Variants in GGA2 observed in about 807,000 individuals in gnomAD.
GGA2 encodes the protein ADP-ribosylation factor-binding protein GGA2.
In GGA2, 48 loss-of-function variants were observed where a neutral mutation model predicts 79.5. That is an observed-to-expected ratio of 0.60 (90% CI 0.48 to 0.77). The LOEUF is 0.77. GGA2 is among the 30% of genes least tolerant of loss of function. GGA2 has a pLI of 0.00. For missense variants in GGA2, 770 were observed against 774.0 expected (o/e 0.99, Z 0.06); for synonymous variants, 317 against 302.0 (o/e 1.05, Z -0.51).
In GGA2 at chr16:23,466,138, T is replaced by C. The variant is rs1345123773; in HGVS notation, c.*1452A>G. 3 of 152,186 alleles carry C rather than the reference T, an allele frequency of 2.0e-5. No homozygotes were observed. Among genetic ancestry groups the C allele is most frequent in the African/African-American group, 4.8e-5 (2 of 41,444 alleles). 9.4% of individuals were successfully genotyped at this position (152,186 alleles called of 1,614,324 possible). A position where few individuals can be genotyped will look rare whatever the true frequency, so the allele number is the denominator to read the frequency against. ...TTAGTATTGGCAGATTTCCACTATA[T>C]GTAGAAGTCAAAAGATCAGACTGTA... On this transcript the variant is annotated 3_prime_UTR_variant, in exon 17 of 17. Transcript: ENST00000309859.
upstream of GGA2, chr16:23,510,632 C>A (rs1354266320): frequency 2.6e-6 from 1 of 378,082 alleles, no homozygotes; most frequent in Non-Finnish European, 4.7e-6. Flanking sequence ...TAAGACCACT[C>A]ACCGTACGGT....
At chr16:23,477,770 C>T (rs966523750) in intron 13 of GGA2, among the ~76,000 whole-genome samples, 2 of 152,024 alleles carry the variant, frequency 1.3e-5, no homozygotes, top group Non-Finnish European at 2.9e-5. Context: ...CAAACAAAAA[C>T]ACATGCCTTT....
At chr16:23,517,007 G>A (rs1300852592) in intron 2 of GGA2, among the ~76,000 whole-genome samples, 1 of 152,202 alleles carries the variant, frequency 6.6e-6, no homozygotes, top group East Asian at 1.9e-4. Flanking sequence ...GTCACCACAC[G>A]TGTAATTAAC....
At chr16:23,494,563 C>T (rs996284410) in intron 2 of GGA2, among the ~76,000 whole-genome samples, 185 bp from the exon 3 acceptor site, 2 of 152,172 alleles carry the variant, frequency 1.3e-5, no homozygotes, top group Non-Finnish European at 2.9e-5. Context: ...ACCCTGGTTG[C>T]ACCTACAGCA....
intron 4 of GGA2, 149 bp from the exon 5 acceptor site, chr16:23,491,949 C>T (rs1305243944): frequency 1.6e-5 from 9 of 551,726 alleles, no homozygotes; most frequent in South Asian, 2.3e-5. Context: ...CACCATCTGG[C>T]GCCCAGCCCC....
At chr16:23,503,200 T>G (rs1053178329) in intron 1 of GGA2, among the ~76,000 whole-genome samples, 1 of 152,240 alleles carries the variant, frequency 6.6e-6, no homozygotes, top group African/African-American at 2.4e-5. Context: ...CACTGTCGAT[T>G]TGCGATTTCC....
intron 1 of GGA2, chr16:23,501,309 T>C: frequency 6.6e-6 from 3 of 456,990 alleles, no homozygotes; most frequent in Admixed American, 4.7e-5. Context: ...CTTGGAGCCA[T>C]GCTTCTTGCC....
intron 2 of GGA2, among the ~76,000 whole-genome samples, chr16:23,494,884 C>T (rs1305099498): frequency 6.6e-6 from 1 of 152,038 alleles, no homozygotes; most frequent in Non-Finnish European, 1.5e-5. Context: ...GAGTTCGAGA[C>T]CAGCCTGGCC....
rs1964453523 is a variant in GGA2, at chr16:23,467,422, A to ACACACACACACACACACACACACAC, written c.*167_*168insGTGTGTGTGTGTGTGTGTGTGTGTG. 7 of 610,754 alleles carry ACACACACACACACACACACACACAC rather than the reference A, an allele frequency of 1.1e-5. No individual in the cohort carries two copies. The highest frequency in any genetic ancestry group is 1.8e-5 in the African/African-American group (1 of 54,278). 37.8% of individuals were successfully genotyped at this position (610,754 alleles called of 1,614,324 possible). On this transcript the variant is annotated 3_prime_UTR_variant, in exon 17 of 17. Transcript: ENST00000309859. ...CACACACACACACACACACACACACACACACACACACAGAGCATCTGCAGA... is the reference window on the plus strand; with the variant it reads ...CACACACACACACACACACACACACACACACACACACACACACACACACACCACACACACACAGAGCATCTGCAGA...
At chr16:23,491,530 TAAA>T (rs34831881) in intron 5 of GGA2, 144 bp downstream of exon 5, 2,296 of 297,784 alleles carry the variant, frequency 7.7e-3, no homozygotes, top group Middle Eastern at 0.013. Flanking sequence ...ATTTATTGCG[TAAA>T]AAAAAAAAAA....
upstream of GGA2, among the ~76,000 whole-genome samples, chr16:23,514,145 G>A (rs1056341388): frequency 6.6e-6 from 1 of 151,180 alleles, no homozygotes; most frequent in African/African-American, 2.4e-5. Context: ...AAGTCCTGTC[G>A]CCCAGGCTGG....
intron 3 of GGA2, 139 bp downstream of exon 3, chr16:23,494,164 C>T: frequency 1.5e-6 from 1 of 667,628 alleles, no homozygotes; most frequent in Non-Finnish European, 2.7e-6. Flanking sequence ...GATCTCCCTC[C>T]TCCAACCTGC....
At position 23,493,420 on chromosome 16, in the gene GGA2, G is replaced by T; in HGVS notation, c.291C>A (p.Phe97Leu). 3 of 1,612,900 alleles carry T rather than the reference G, an allele frequency of 1.9e-6. No individual in the cohort carries two copies. The highest frequency in any genetic ancestry group is 2.5e-6 in the Non-Finnish European group (3 of 1,178,934). The change falls in exon 4 of 17, where the codon TTC becomes TTA. Residue 97 changes from phenylalanine (F) to leucine (L), a missense_variant. By Grantham distance (22) the Phe-to-Leu change is conservative (BLOSUM62 0). Coordinates refer to ENST00000309859, the MANE Select transcript of GGA2 (RefSeq NM_015044.4). Reference sequence around the variant, plus strand: ...AACGAAATTTGGCCACCTCGCTGTGGAACTTCTCCCCACAGTGGTTCATGC... The same window carrying T: ...AACGAAATTTGGCCACCTCGCTGTGTAACTTCTCCCCACAGTGGTTCATGC... ...EMCMNHCGEK[F>L]HSEVAKFRFL...
rs746388537 is a variant in GGA2 at position 23,478,636 on chromosome 16, G to A, written c.1159-135C>T. On this transcript the variant is annotated intron_variant, in intron 12 of 16. Transcript: ENST00000309859. ...TGGTGACATCTCTTGGGGCAAGAGG[G>A]GAAAGAAAGGGCAAGATCACATGCA... is the stretch of plus-strand genomic sequence containing the variant. The A allele has an allele frequency of 8.1e-6, 7 of 868,040 alleles. No homozygotes were observed. The Admixed American group carries it at 1.1e-4, about 14-fold the overall frequency. The allele number at this position is 868,040 out of a possible 1,614,324, so 53.8% of individuals were successfully genotyped here.
intron 16 of GGA2, 85 bp downstream of exon 16, chr16:23,468,801 A>ATG (rs1209310715): frequency 2.6e-6 from 2 of 765,992 alleles, no homozygotes; most frequent in Non-Finnish European, 4.7e-6. Context: ...CAAGGCCTCA[A>ATG]TGTGCCTCTC....
chr16:23,474,358 A>G (rs1213344880), intron 14 of GGA2, among the ~76,000 whole-genome samples: 2 of 152,000 alleles, frequency 1.3e-5, no homozygotes, highest in Non-Finnish European at 2.9e-5. Context: ...ACAAAGAAGC[A>G]AACTTTTTTT....
intron 8 of GGA2, 37 bp from the exon 9 acceptor site, chr16:23,483,041 G>C: frequency 7.1e-7 from 1 of 1,403,520 alleles, no homozygotes; most frequent in East Asian, 2.3e-5. Flanking sequence ...CACACGCCCA[G>C]GCACCCCATA....
chr16:23,485,114 G>A (rs990820227), intron 8 of GGA2, among the ~76,000 whole-genome samples: 1 of 152,220 alleles, frequency 6.6e-6, no homozygotes, highest in Admixed American at 6.5e-5. Flanking sequence ...ATTAGGCTAC[G>A]TAAAGGAAGC....
chr16:23,498,522 C>T (rs1302713219), intron 1 of GGA2, among the ~76,000 whole-genome samples: 1 of 152,026 alleles, frequency 6.6e-6, no homozygotes, highest in Non-Finnish European at 1.5e-5. Context: ...GAACCCAGGA[C>T]TTCGTGACAA....
Sources: allele counts gnomAD v4.1 joint callset (sites outside exome capture counted in the v4.1 genomes callset), GRCh38; gene constraint gnomAD v4.1.1; transcripts MANE v1.5; gene names NCBI Gene and HGNC (gene_info 2026-07-23, HGNC 2026-07-21).